The following PDXDC1 variants were observed in gnomAD, a reference collection of about 807,000 sequenced individuals.
PDXDC1 encodes the protein pyridoxal-dependent decarboxylase domain-containing protein 1.
A neutral mutation model predicts 100.1 loss-of-function variants in PDXDC1; 42 were observed. That is an observed-to-expected ratio of 0.42 (90% CI 0.33 to 0.54). PDXDC1 has a LOEUF of 0.54. Among genes scored for constraint, PDXDC1 ranks in the 20% least tolerant of loss-of-function variants. The probability of loss-of-function intolerance (pLI) is 0.10; values close to 1 mark genes in which losing one functional copy is unlikely to be tolerated. For missense variants in PDXDC1, 636 were observed against 979.2 expected (o/e 0.65, Z 4.68); for synonymous variants, 260 against 371.7 (o/e 0.70, Z 3.46).
chr16:15,109,616 C>G (rs1402672908), intron 16 of PDXDC1, among the ~76,000 whole-genome samples: 1 of 111,794 alleles, frequency 8.9e-6, no homozygotes, highest in African/African-American at 3.4e-5. Context: ...AAGATCATGC[C>G]ACTGCACTCT....
intron 16 of PDXDC1, chr16:15,074,939 A>AAATAATCAC: frequency 7.3e-7 from 1 of 1,365,354 alleles, no homozygotes; most frequent in Non-Finnish European, 1.0e-6. Context: ...GTCATAAGTG[A>AAATAATCAC]TTATTTCCCT....
At chr16:15,106,583 G>C (rs565303626) in intron 16 of PDXDC1, among the ~76,000 whole-genome samples, 3 of 149,952 alleles carry the variant, frequency 2.0e-5, no homozygotes, top group Non-Finnish European at 4.5e-5. Context: ...GTGAAACCCT[G>C]TCTCTACTAA....
intron 14 of PDXDC1, among the ~76,000 whole-genome samples, chr16:15,028,180 A>C (rs1420700346): frequency 6.6e-6 from 1 of 152,400 alleles, no homozygotes; most frequent in African/African-American, 2.4e-5. Context: ...CAGTCAGACC[A>C]GTCTTCTCCG....
downstream of PDXDC1, among the ~76,000 whole-genome samples, chr16:15,140,941 A>C (rs1053982294): frequency 6.6e-6 from 1 of 151,750 alleles, no homozygotes; most frequent in Non-Finnish European, 1.5e-5. Context: ...CCCACGAGTG[A>C]CCCAGCAGGT....
intron 16 of PDXDC1, among the ~76,000 whole-genome samples, chr16:15,114,797 T>A (rs1404905158): frequency 5.5e-4 from 71 of 129,780 alleles, no homozygotes; most frequent in African/African-American, 2.0e-3. Context: ...GGGTGTTGTC[T>A]TTCTTGGTAT....
chr16:15,061,596 A>C, intron 16 of PDXDC1: 1 of 610,792 alleles, frequency 1.6e-6, no homozygotes, highest in East Asian at 2.8e-5. Flanking sequence ...CAGATGCTTG[A>C]TTCAGTCGAA....
At chr16:15,140,885 A>C (rs865855012), downstream of PDXDC1, among the ~76,000 whole-genome samples, 2 of 151,364 alleles carry the variant, frequency 1.3e-5, no homozygotes, top group Non-Finnish European at 3.0e-5. Flanking sequence ...GGACCCCGAG[A>C]CCTCACCTCC....
Position 15,031,112 on chromosome 16 carries a change from A to ATT in PDXDC1, c.1400-601_1400-600dup, listed in dbSNP as rs771115923. ...ACTACAGGCGAGCACCACCACATCT[A>ATT]TTTTTTTTTTTTTTTTTTTTTTTCC... On this transcript the variant is annotated intron_variant, in intron 16 of 22. Coordinates refer to ENST00000396410, the MANE Select transcript of PDXDC1 (RefSeq NM_015027.4). Among the ~76,000 whole-genome samples, 141 of 73,900 alleles carry ATT rather than the reference A, an allele frequency of 1.9e-3. 4 individuals are homozygous for ATT. Among genetic ancestry groups the ATT allele is most frequent in the Admixed American group, 3.3e-3 (17 of 5,224 alleles). The allele number at this position is 73,900 out of a possible 152,430, so 48.5% of individuals were successfully genotyped here. A position where few individuals can be genotyped will look rare whatever the true frequency, so the allele number is the denominator to read the frequency against.
intron 16 of PDXDC1, among the ~76,000 whole-genome samples, chr16:15,080,931 C>CA (rs1165139365): frequency 6.6e-6 from 1 of 151,578 alleles, no homozygotes; most frequent in Non-Finnish European, 1.5e-5. Flanking sequence ...GAGTCATACA[C>CA]AGTTTGTGGC....
intron 16 of PDXDC1, chr16:15,127,914 G>A (rs2047832092): frequency 1.4e-6 from 2 of 1,407,918 alleles, no homozygotes; most frequent in Non-Finnish European, 9.9e-7. Flanking sequence ...GGCAGGGAGG[G>A]CCGCACTGCA....
At chr16:15,041,458 G>A (rs899985361), downstream of PDXDC1, among the ~76,000 whole-genome samples, 3 of 152,126 alleles carry the variant, frequency 2.0e-5, no homozygotes, top group South Asian at 2.1e-4. Context: ...GATGGTGGAC[G>A]AGGGCAAGGG....
chr16:15,022,324 G>A (rs2042267550), intron 12 of PDXDC1, among the ~76,000 whole-genome samples: 1 of 152,176 alleles, frequency 6.6e-6, no homozygotes, highest in East Asian at 1.9e-4. Flanking sequence ...GTGATGAGTG[G>A]CAGCACTGTG....
chr16:15,032,561 G>A (rs2043129249), intron 17 of PDXDC1: 1 of 247,934 alleles, frequency 4.0e-6, no homozygotes, highest in Non-Finnish European at 7.7e-6. Context: ...AGCTTAGATG[G>A]AAGGATCAAC....
intron 16 of PDXDC1, among the ~76,000 whole-genome samples, chr16:15,064,357 TAA>T (rs2044862646): frequency 1.3e-5 from 2 of 152,148 alleles, no homozygotes; most frequent in Admixed American, 1.3e-4. Flanking sequence ...GTATTTTTAG[TAA>T]AGACAGCGTT....
chr16:15,033,196 G>T (rs1054880989), intron 18 of PDXDC1, 82 bp from the exon 19 acceptor site: 1 of 1,497,190 alleles, frequency 6.7e-7, no homozygotes, highest in African/African-American at 1.4e-5. Context: ...TGTGTGGTCA[G>T]GACCCTGAAC....
chr16:15,136,227 T>C, intron 16 of PDXDC1: 1 of 634,480 alleles, frequency 1.6e-6, no homozygotes. Flanking sequence ...TGTCCCCCTT[T>C]CCAGATGGGG....
chr16:15,014,349 G>T (rs1274668013), intron 8 of PDXDC1, among the ~76,000 whole-genome samples: 2 of 152,298 alleles, frequency 1.3e-5, no homozygotes, highest in African/African-American at 4.8e-5. Flanking sequence ...AGGGGCTGCA[G>T]TTTGCATGTG....
At chr16:15,003,763 A>G (rs1316589879) in intron 4 of PDXDC1, among the ~76,000 whole-genome samples, 1 of 152,212 alleles carries the variant, frequency 6.6e-6, no homozygotes, top group African/African-American at 2.4e-5. Context: ...CAGGTGAATC[A>G]CCTGAAGTCA....
At chr16:15,062,189 CT>C in intron 16 of PDXDC1, among the ~76,000 whole-genome samples, 1 of 152,248 alleles carries the variant, frequency 6.6e-6, no homozygotes, top group South Asian at 2.1e-4. Context: ...CTGATAAGCA[CT>C]TCCTTCTTAC....
Sources: gnomAD v4.1 joint callset for allele counts (sites outside exome capture counted in the v4.1 genomes callset) on GRCh38, gnomAD v4.1.1 for gene constraint, MANE v1.5 for transcripts, NCBI Gene and HGNC (gene_info 2026-07-23, HGNC 2026-07-21) for gene names.